The following HIVEP2 variants were observed in gnomAD, a reference collection of about 807,000 sequenced individuals.
HIVEP2 encodes transcription factor HIVEP2.
In HIVEP2, 14 loss-of-function variants were observed where a neutral mutation model predicts 180.7. The ratio of observed to expected loss-of-function variants is 0.08; its 90% CI spans 0.05 to 0.12. The LOEUF is 0.12. Ranked by LOEUF, HIVEP2 falls within the 10% of genes least tolerant of loss-of-function variation. The pLI is 1.00. For synonymous variants in HIVEP2, 1,184 were observed against 1,136.4 expected (o/e 1.04, Z -0.84); for missense variants, 2,579 against 3,008.5 (o/e 0.86, Z 3.34).
At chr6:142,888,068 T>C (rs946230963) in intron 1 of HIVEP2, among the ~76,000 whole-genome samples, 1 of 152,134 alleles carries the variant, frequency 6.6e-6, no homozygotes, top group Non-Finnish European at 1.5e-5. Context: ...ATTTTACATG[T>C]TTTAACTATA....
chr6:142,882,933 C>A (rs1030272171), intron 1 of HIVEP2, among the ~76,000 whole-genome samples: 3 of 152,116 alleles, frequency 2.0e-5, no homozygotes, highest in Non-Finnish European at 2.9e-5. Context: ...ATCACCTGCA[C>A]TGACCAAAGC....
At chr6:142,784,029 C>T (rs2114697047) in intron 2 of HIVEP2, among the ~76,000 whole-genome samples, 1 of 152,236 alleles carries the variant, frequency 6.6e-6, no homozygotes, top group East Asian at 1.9e-4. Flanking sequence ...TTTATTTCAG[C>T]AATGTTATAC....
chr6:142,944,371 C>G (rs1220955332), intron 1 of HIVEP2, among the ~76,000 whole-genome samples: 2 of 148,604 alleles, frequency 1.3e-5, no homozygotes, highest in Non-Finnish European at 1.5e-5. Flanking sequence ...ACCCCCCCCC[C>G]CCACCAAATA....
intron 9 of HIVEP2, among the ~76,000 whole-genome samples, chr6:142,756,061 G>A (rs143998173): frequency 6.6e-6 from 1 of 152,226 alleles, no homozygotes; most frequent in Non-Finnish European, 1.5e-5. Flanking sequence ...AAAACAAATA[G>A]TGAATTCAAA....
At chr6:142,877,573 T>C (rs1386026757) in intron 1 of HIVEP2, among the ~76,000 whole-genome samples, 1 of 152,144 alleles carries the variant, frequency 6.6e-6, no homozygotes, top group Non-Finnish European at 1.5e-5. Flanking sequence ...TGTATCTCAT[T>C]CCAATGTATT....
At chr6:142,757,371 C>T (rs1305422307) in intron 9 of HIVEP2, among the ~76,000 whole-genome samples, 1 of 152,100 alleles carries the variant, frequency 6.6e-6, no homozygotes, top group South Asian at 2.1e-4. Context: ...TGAAATATAA[C>T]CATGATCAGC....
chr6:142,903,680 T>C (rs1187579218), intron 1 of HIVEP2, among the ~76,000 whole-genome samples: 2 of 152,192 alleles, frequency 1.3e-5, no homozygotes, highest in South Asian at 2.1e-4. Flanking sequence ...ACACTAATTC[T>C]GATATCAAGG....
At chr6:142,852,121 T>G (rs953371316) in intron 1 of HIVEP2, among the ~76,000 whole-genome samples, 1 of 152,300 alleles carries the variant, frequency 6.6e-6, no homozygotes, top group South Asian at 2.1e-4. Flanking sequence ...TAGGTTAATT[T>G]TGGAGGGCAT....
chr6:142,756,075 A>T (rs897269288), intron 9 of HIVEP2, among the ~76,000 whole-genome samples: 6 of 152,254 alleles, frequency 3.9e-5, no homozygotes, highest in Admixed American at 1.3e-4. Context: ...ATTCAAATGT[A>T]GATTATGTTA....
At chr6:142,864,243 C>G (rs1382788397) in intron 1 of HIVEP2, among the ~76,000 whole-genome samples, 1 of 152,124 alleles carries the variant, frequency 6.6e-6, no homozygotes, top group Admixed American at 6.6e-5. Flanking sequence ...AACTCCCAGT[C>G]CCATCACCAG....
At chr6:142,890,097 T>C (rs976127891) in intron 1 of HIVEP2, among the ~76,000 whole-genome samples, 9 of 152,200 alleles carry the variant, frequency 5.9e-5, no homozygotes, top group African/African-American at 2.2e-4. Context: ...GGTCTATCTA[T>C]GTCTTCATTT....
intron 1 of HIVEP2, among the ~76,000 whole-genome samples, chr6:142,848,633 G>T (rs929273199): frequency 3.9e-5 from 6 of 152,050 alleles, no homozygotes; most frequent in Admixed American, 6.5e-5. Context: ...TGAGGTGGGA[G>T]GATTGCTTGC....
upstream of HIVEP2, among the ~76,000 whole-genome samples, chr6:142,945,414 C>T (rs1012205454): frequency 3.9e-5 from 6 of 152,124 alleles, no homozygotes; most frequent in African/African-American, 1.2e-4. The surrounding 1 kb of genome is among the most constrained non-coding windows in gnomAD (Gnocchi z 5.5). Context: ...AGTTCGGCGG[C>T]GGCGATTCCA....
intron 1 of HIVEP2, among the ~76,000 whole-genome samples, chr6:142,891,751 T>C (rs1776866285): frequency 6.6e-6 from 1 of 152,238 alleles, no homozygotes; most frequent in Non-Finnish European, 1.5e-5. Flanking sequence ...TATTCTGCAA[T>C]TCAGCTAATT....
At chr6:142,912,773 C>T (rs1460506492) in intron 1 of HIVEP2, among the ~76,000 whole-genome samples, 1 of 152,190 alleles carries the variant, frequency 6.6e-6, no homozygotes, top group East Asian at 1.9e-4. Context: ...CATCCGGAAA[C>T]CATCCACCAT....
intron 1 of HIVEP2, among the ~76,000 whole-genome samples, chr6:142,902,981 ACTAACG>A (rs1777169415): frequency 6.6e-6 from 1 of 152,220 alleles, no homozygotes; most frequent in South Asian, 2.1e-4. Flanking sequence ...ACGCTGAACT[ACTAACG>A]CTACTTTGGA....
chr6:142,798,812 G>A (rs1776340579), intron 2 of HIVEP2, among the ~76,000 whole-genome samples: 1 of 152,100 alleles, frequency 6.6e-6, no homozygotes, highest in South Asian at 2.1e-4. Flanking sequence ...ATTATGAAAT[G>A]GGATACTAAT....
At chr6:142,896,166 G>T (rs1204021102) in intron 1 of HIVEP2, among the ~76,000 whole-genome samples, 1 of 152,156 alleles carries the variant, frequency 6.6e-6, no homozygotes, top group Admixed American at 6.5e-5. Context: ...GTCTCTAAGA[G>T]AGGCTAATAT....
intron 1 of HIVEP2, among the ~76,000 whole-genome samples, chr6:142,944,330 C>T (rs1778248653): frequency 6.7e-6 from 1 of 149,914 alleles, no homozygotes; most frequent in Non-Finnish European, 1.5e-5. Flanking sequence ...TCTGTGATAA[C>T]AGCTGGGGTA....
Sources: allele counts gnomAD v4.1 joint callset (sites outside exome capture counted in the v4.1 genomes callset), GRCh38; gene constraint gnomAD v4.1.1; non-coding constraint Gnocchi (gnomAD v3.1); transcripts MANE v1.5; gene names NCBI Gene and HGNC (gene_info 2026-07-23, HGNC 2026-07-21).